The following CEPT1 variants were observed in gnomAD, a reference collection of about 807,000 sequenced individuals.
CEPT1 encodes the protein choline/ethanolaminephosphotransferase 1.
In CEPT1, 7 loss-of-function variants were observed where a neutral mutation model predicts 42.6. That is an observed-to-expected ratio of 0.16 (90% CI 0.09 to 0.31). The LOEUF (loss-of-function observed/expected upper bound fraction) is 0.31. Among genes scored for constraint, CEPT1 ranks in the 10% least tolerant of loss-of-function variants. The pLI is 1.00. For synonymous variants in CEPT1, 171 were observed against 171.9 expected (o/e 0.99, Z 0.04); for missense variants, 306 against 502.1 (o/e 0.61, Z 3.73).
At chr1:111,139,746 G>C (rs1487051534), upstream of CEPT1, 1 of 152,388 alleles carries the variant, frequency 6.6e-6, no homozygotes, top group African/African-American at 2.4e-5. Context: ...GGGAAACCAA[G>C]GAAGAGAACA....
chr1:111,149,025 T>C (rs1655123622), intron 2 of CEPT1, among the ~76,000 whole-genome samples: 1 of 152,220 alleles, frequency 6.6e-6, no homozygotes, highest in South Asian at 2.1e-4. Flanking sequence ...AGATTATTTG[T>C]CCTTTGAGAT....
At chr1:111,148,622 T>G (rs960054457) in intron 2 of CEPT1, among the ~76,000 whole-genome samples, 9 of 152,194 alleles carry the variant, frequency 5.9e-5, no homozygotes. Context: ...TGGCTACCAT[T>G]AAGAAAGGAT....
chr1:111,141,389 C>T lies in CEPT1; in HGVS notation c.-74+1082C>T, dbSNP rs76684384. Among the ~76,000 whole-genome samples the T allele has an allele frequency of 8.5e-3, 1,298 of 152,250 alleles. 18 individuals are homozygous for T. Among genetic ancestry groups the T allele is most frequent in the African/African-American group, 0.03 (1,235 of 41,526 alleles). On this transcript the variant is annotated intron_variant, in intron 1 of 8. Transcript: ENST00000357172. ...AGGCCCCCTGCACAACTTGTCTTTCCAACACATTTAAGAAATAAGTTAGTA... is the reference window on the plus strand; with the variant it reads ...AGGCCCCCTGCACAACTTGTCTTTCTAACACATTTAAGAAATAAGTTAGTA...
intron 4 of CEPT1, among the ~76,000 whole-genome samples, chr1:111,169,686 C>A (rs2101354694): frequency 6.6e-6 from 1 of 152,076 alleles, no homozygotes; most frequent in African/African-American, 2.4e-5. Context: ...ATGAGATTGT[C>A]AAATATACTT....
intron 2 of CEPT1, among the ~76,000 whole-genome samples, chr1:111,154,123 T>C (rs940953639): frequency 6.6e-6 from 1 of 151,948 alleles, no homozygotes; most frequent in Non-Finnish European, 1.5e-5. Context: ...TCAGTTTCTT[T>C]TATTAGTGCT....
chr1:111,171,798 GCA>G (rs1423226553), intron 4 of CEPT1, among the ~76,000 whole-genome samples: 1 of 152,192 alleles, frequency 6.6e-6, no homozygotes, highest in African/African-American at 2.4e-5. Flanking sequence ...GAGTGCAATG[GCA>G]CAGTCTCAGC....
In CEPT1 at chr1:111,147,697, T is replaced by TA. The variant is rs529661950; in HGVS notation, c.-9dup. 4,204 of 1,517,182 alleles carry TA rather than the reference T, an allele frequency of 2.8e-3. 7 individuals are homozygous for TA. Among genetic ancestry groups the TA allele is most frequent in the Middle Eastern group, 7.4e-3 (42 of 5,690 alleles). The allele number at this position is 1,517,182 out of a possible 1,614,324, so 94.0% of individuals were successfully genotyped here. Reference sequence around the variant, plus strand: ...AAGGGAAATTACTGTCTTTAAATATTAAAAAAAAACAAGATCCATGAGTGG... The same window carrying TA: ...AAGGGAAATTACTGTCTTTAAATATTAAAAAAAAAACAAGATCCATGAGTGG... On this transcript the variant is annotated 5_prime_UTR_variant, in exon 2 of 9. Coordinates refer to ENST00000357172, the MANE Select transcript of CEPT1 (RefSeq NM_006090.5).
rs1384056253 is a variant in CEPT1 at position 111,184,384 on chromosome 1, G to A, written c.*74G>A. On this transcript the variant is annotated 3_prime_UTR_variant, in exon 9 of 9. Transcript: ENST00000357172. The stretch of plus-strand genomic sequence containing the variant: ...TAACATATTAAGGAGAATGGGGGTG[G>A]ATAAGAACAAATATAATTTATAATA... 3 of 1,160,430 alleles carry A rather than the reference G, an allele frequency of 2.6e-6. No individual in the cohort carries two copies. The South Asian group carries it at 4.4e-5, about 17-fold the overall frequency. 71.9% of individuals were successfully genotyped at this position (1,160,430 alleles called of 1,614,324 possible). A position where few individuals can be genotyped will look rare whatever the true frequency, so the allele number is the denominator to read the frequency against.
intron 4 of CEPT1, among the ~76,000 whole-genome samples, chr1:111,172,361 G>A (rs1399549917): frequency 1.3e-5 from 2 of 151,970 alleles, no homozygotes; most frequent in African/African-American, 4.8e-5. Flanking sequence ...TACCACTGAC[G>A]ATTCTCCATT....
At chr1:111,180,375 A>G (rs1401931501) in intron 5 of CEPT1, 2 of 152,232 alleles carry the variant, frequency 1.3e-5, no homozygotes, top group Non-Finnish European at 2.9e-5. Context: ...CATCAGATTG[A>G]GAATGTAATG....
intron 2 of CEPT1, among the ~76,000 whole-genome samples, chr1:111,158,903 T>TAATTGCTTCAGTGAGTTATTCA (rs1571130707): frequency 1.6e-5 from 1 of 61,024 alleles, no homozygotes; most frequent in African/African-American, 8.1e-5. Flanking sequence ...TTTACAATTC[T>TAATTGCTTCAGTGAGTTATTCA]TTTTTTTTTT....
At chr1:111,159,575 C>T (rs772000936) in intron 3 of CEPT1, 48 bp downstream of exon 3, 5 of 1,485,990 alleles carry the variant, frequency 3.4e-6, no homozygotes. Context: ...ATGGTTAAAC[C>T]AGTGTGCTAA....
intron 4 of CEPT1, among the ~76,000 whole-genome samples, chr1:111,163,160 G>A (rs957839456): frequency 9.9e-5 from 15 of 151,822 alleles, no homozygotes; most frequent in Admixed American, 7.2e-4. Context: ...TGGGGGCGGG[G>A]GGAAACACTA....
chr1:111,161,710 A>T (rs1655885398), intron 4 of CEPT1, among the ~76,000 whole-genome samples: 1 of 152,228 alleles, frequency 6.6e-6, no homozygotes, highest in Non-Finnish European at 1.5e-5. Context: ...TACTATTTTC[A>T]AAAATGGCAG....
chr1:111,180,810 T>A (rs902350110), intron 5 of CEPT1: 1 of 152,232 alleles, frequency 6.6e-6, no homozygotes, highest in Non-Finnish European at 1.5e-5. Flanking sequence ...CATTTGCTAT[T>A]TGATTTTAAA....
chr1:111,144,144 T>G (rs1183611340), intron 1 of CEPT1, among the ~76,000 whole-genome samples: 1 of 152,210 alleles, frequency 6.6e-6, no homozygotes, highest in Non-Finnish European at 1.5e-5. Context: ...CCTATGCGGC[T>G]CCATTGAGAT....
intron 5 of CEPT1, chr1:111,180,171 T>G (rs1488064210): frequency 6.6e-6 from 1 of 152,202 alleles, no homozygotes; most frequent in Non-Finnish European, 1.5e-5. Context: ...TGGTACTCAT[T>G]TAGTACCCTG....
At chr1:111,154,228 T>C (rs576267656) in intron 2 of CEPT1, among the ~76,000 whole-genome samples, 85 of 117,240 alleles carry the variant, frequency 7.3e-4, no homozygotes, top group African/African-American at 3.1e-3. Flanking sequence ...TATTTTATTT[T>C]ATTTTATTTT....
In CEPT1 at chr1:111,182,166, TTC is replaced by T. The variant is rs1313680478; in HGVS notation, c.715-13_715-12del. 1 of 1,544,888 alleles carries T rather than the reference TTC, an allele frequency of 6.5e-7. No homozygotes were observed. The highest frequency in any genetic ancestry group is 8.8e-7 in the Non-Finnish European group (1 of 1,139,750). On this transcript the variant is annotated intron_variant, in intron 5 of 8. Coordinates refer to ENST00000357172, the MANE Select transcript of CEPT1 (RefSeq NM_006090.5). Reference sequence around the variant, plus strand: ...TTAGTTTGTATATGTTTTAATTGTTTTCTCTCTCTACCCATTAAAGATTCCAG... The same window carrying T: ...TTAGTTTGTATATGTTTTAATTGTTTTCTCTCTACCCATTAAAGATTCCAG...
Sources: gnomAD v4.1 joint callset for allele counts (sites outside exome capture counted in the v4.1 genomes callset) on GRCh38, gnomAD v4.1.1 for gene constraint, MANE v1.5 for transcripts, NCBI Gene and HGNC (gene_info 2026-07-23, HGNC 2026-07-21) for gene names.